The following CREBZF variants were observed in gnomAD, a reference collection of about 807,000 sequenced individuals.
CREBZF encodes the protein HCF-binding transcription factor Zhangfei.
In CREBZF, 8 loss-of-function variants were observed where a neutral mutation model predicts 21.1. The observed-to-expected ratio is 0.38, with a 90% confidence interval of 0.22 to 0.68. CREBZF has a LOEUF of 0.68. CREBZF is among the 30% of genes least tolerant of loss of function. The pLI is 0.51. For synonymous variants in CREBZF, 270 were observed against 223.3 expected, an observed-to-expected ratio of 1.21 and a Z score of -1.86; for missense variants, 518 against 484.3, an observed-to-expected ratio of 1.07 and a Z score of -0.65.
At chr11:85,670,142 G>T (rs759557321) in intron 1 of CREBZF, among the ~76,000 whole-genome samples, 18 of 152,100 alleles carry the variant, frequency 1.2e-4, no homozygotes, top group Non-Finnish European at 1.9e-4. Context: ...CATTTCATTG[G>T]AACTTGAAGG....
Position 85,658,641 on chromosome 11 carries a change from T to C in CREBZF, c.*5170A>G, listed in dbSNP as rs570305956. On this transcript the variant is annotated 3_prime_UTR_variant, in exon 1 of 1. Transcript: ENST00000527447. ...TTTTATAATTTACTTTGTGTAGTTA[T>C]TTGGCTTAAAAAAAAAAAAAGAGGG... 1.8e-3 allele frequency among the ~76,000 whole-genome samples: 266 copies of C among 147,942 alleles called. 2 individuals carry two copies. The highest frequency in any genetic ancestry group is 3.3e-3 in the Admixed American group (48 of 14,468).
chr11:85,670,350 G>GC (rs71036486), intron 1 of CREBZF, among the ~76,000 whole-genome samples: 134,219 of 134,794 alleles, frequency 1, 66,823 homozygotes, highest in East Asian at 1. Context: ...TGTCACCCAG[G>GC]TGGAGTGCAG....
chr11:85,676,515 T>C (rs2082943647), intron 1 of CREBZF, among the ~76,000 whole-genome samples: 1 of 152,242 alleles, frequency 6.6e-6, no homozygotes, highest in Non-Finnish European at 1.5e-5. Context: ...TTTAACATTA[T>C]CAAGATTTTT....
intron 1 of CREBZF, among the ~76,000 whole-genome samples, chr11:85,670,139 T>C (rs2082901901): frequency 6.6e-6 from 1 of 152,024 alleles, no homozygotes; most frequent in Admixed American, 6.6e-5. Context: ...AAGCATTTCA[T>C]TGGAACTTGA....
chr11:85,664,803 G>T lies in CREBZF; in HGVS notation c.73C>A (p.Pro25Thr). ...NSPTRSESPE[P>T]AATCSLPSDL... The stretch of plus-strand genomic sequence containing the variant: ...GAGGGCAGCGAACAAGTTGCAGCCG[G>T]CTCCGGGCTCTCACTGCGGGTTGGG... The change falls in exon 1 of 1, where the codon CCG becomes ACG. Residue 25 changes from proline (P) to threonine (T), a missense_variant. Pro to Thr is a conservative substitution (Grantham distance 38, BLOSUM62 -1). Coordinates refer to ENST00000527447, the MANE Select transcript of CREBZF (RefSeq NM_001039618.4). This position sits in a 1 kb window ranked among gnomAD's most constrained non-coding sequence, Gnocchi z 5.5. The T allele has an allele frequency of 6.4e-7, 1 of 1,572,608 alleles. No individual in the cohort carries two copies. Among genetic ancestry groups the T allele is most frequent in the Non-Finnish European group, 8.6e-7 (1 of 1,163,068 alleles).
chr11:85,676,750 A>C (rs1261872477), intron 1 of CREBZF, among the ~76,000 whole-genome samples: 3 of 148,008 alleles, frequency 2.0e-5, no homozygotes, highest in African/African-American at 7.5e-5. Context: ...TGGTCCTCCT[A>C]CCTTAGCCTC....
In CREBZF at chr11:85,658,693, T is replaced by C. The variant is rs551728073; in HGVS notation, c.*5118A>G. Among the ~76,000 whole-genome samples, 1 of 150,350 alleles carries C rather than the reference T, an allele frequency of 6.7e-6. No individual in the cohort carries two copies. The highest frequency in any genetic ancestry group is 6.6e-5 in the Admixed American group (1 of 15,102). On this transcript the variant is annotated 3_prime_UTR_variant, in exon 1 of 1. Coordinates refer to ENST00000527447, the MANE Select transcript of CREBZF (RefSeq NM_001039618.4). Reference sequence around the variant, plus strand: ...TCACATTCTATTTAAATTAAGACAATATATTTTATAAAGCCCAAATTATAG... The same window carrying C: ...TCACATTCTATTTAAATTAAGACAACATATTTTATAAAGCCCAAATTATAG...
At position 85,663,955 on chromosome 11, in the gene CREBZF, A is replaced by C; in HGVS notation, c.921T>G (p.Ala307=). 6.2e-7 allele frequency: 1 copy of C among 1,613,676 alleles called. No individual in the cohort carries two copies. The highest frequency in any genetic ancestry group is 1.7e-5 in the Admixed American group (1 of 60,012). The change falls in exon 1 of 1, where the codon GCT becomes GCG. Residue 307 remains alanine, a synonymous_variant. Coordinates refer to ENST00000527447, the MANE Select transcript of CREBZF (RefSeq NM_001039618.4). ...RDSPAGDHDY[A]LPVGKQKQDL... ...CCTGCTTCTGCTTTCCCACCGGCAG[A>C]GCGTAGTCGTGGTCACCGGCGGGCG...
At position 85,664,071 on chromosome 11, in the gene CREBZF, C is replaced by A. The variant is rs758134105; in HGVS notation, c.805G>T (p.Ala269Ser). 1 of 1,613,562 alleles carries A rather than the reference C, an allele frequency of 6.2e-7. No homozygotes were observed. Among genetic ancestry groups the A allele is most frequent in the East Asian group, 2.2e-5 (1 of 44,880 alleles). ...ALQEESRYLR[A>S]VLANETGLAR... ...AGTCCAGTCTCGTTGGCTAAGACTG[C>A]CCGTAGGTAGCGACTCTCCTCCTGC... Residue 269 changes from alanine (A) to serine (S), a missense_variant, in exon 1 of 1, where the codon GCA becomes TCA. Physicochemically the swap from Ala to Ser is moderately conservative, Grantham distance 99 (BLOSUM62 1). This residue lies in a region of CREBZF where 114 missense variants were observed against 134.1 expected (regional missense o/e 0.85). Coordinates refer to ENST00000527447, the MANE Select transcript of CREBZF (RefSeq NM_001039618.4). The surrounding 1 kb of genome is among the most constrained non-coding windows in gnomAD (Gnocchi z 5.5).
At chr11:85,678,499 TAACATA>T (rs1256631432) in intron 1 of CREBZF, among the ~76,000 whole-genome samples, 1 of 152,234 alleles carries the variant, frequency 6.6e-6, no homozygotes, top group Non-Finnish European at 1.5e-5. Flanking sequence ...CTAGCAACAT[TAACATA>T]ATTATTTTTT....
upstream of CREBZF, among the ~76,000 whole-genome samples, chr11:85,669,047 A>C: frequency 7.4e-6 from 1 of 134,402 alleles, no homozygotes; most frequent in African/African-American, 2.7e-5. Context: ...AAAAAGAAAC[A>C]TGCTCCTATT....
chr11:85,670,358 C>T (rs1484744536), intron 1 of CREBZF, among the ~76,000 whole-genome samples: 12 of 114,210 alleles, frequency 1.1e-4, no homozygotes, highest in Non-Finnish European at 2.0e-4. Flanking sequence ...AGGTGGAGTG[C>T]AGTGGCGCAA....
In CREBZF at chr11:85,664,083, G is replaced by T. The variant is rs2082772593; in HGVS notation, c.793C>A (p.Arg265Ser). The T allele has an allele frequency of 6.2e-7, 1 of 1,613,616 alleles. No homozygotes were observed. Among genetic ancestry groups the T allele is most frequent in the Non-Finnish European group, 8.5e-7 (1 of 1,180,030 alleles). The change falls in exon 1 of 1, where the codon CGC becomes AGC. Residue 265 changes from arginine to serine, a missense_variant. Around this residue, in one of 3 missense-constraint regions of CREBZF, gnomAD observed 114 missense variants for 134.1 expected, o/e 0.85. Transcript: ENST00000527447. This position sits in a 1 kb window ranked among gnomAD's most constrained non-coding sequence, Gnocchi z 5.5. ...KRVQALQEESRYLRAVLANET... is the reference protein window; with the variant it reads ...KRVQALQEESSYLRAVLANET... ...TTGGCTAAGACTGCCCGTAGGTAGCGACTCTCCTCCTGCAGTGCCTGTACG... is the reference window on the plus strand; with the variant it reads ...TTGGCTAAGACTGCCCGTAGGTAGCTACTCTCCTCCTGCAGTGCCTGTACG...
At chr11:85,681,759 G>C (rs566977989) in intron 1 of CREBZF, among the ~76,000 whole-genome samples, 1 of 152,312 alleles carries the variant, frequency 6.6e-6, no homozygotes, top group African/African-American at 2.4e-5. Context: ...GTTTGGAGGA[G>C]GCCGATTTAC....
intron 1 of CREBZF, among the ~76,000 whole-genome samples, chr11:85,676,334 T>G (rs757324574): frequency 6.6e-6 from 1 of 152,218 alleles, no homozygotes; most frequent in Non-Finnish European, 1.5e-5. Context: ...GAGCCAGAAC[T>G]TGGCTGTTGT....
Position 85,663,341 on chromosome 11 carries a change from TTAAA to T in CREBZF, c.*466_*469del. 1 of 609,490 alleles carries T rather than the reference TTAAA, an allele frequency of 1.6e-6. No individual in the cohort carries two copies. Among genetic ancestry groups the T allele is most frequent in the Non-Finnish European group, 2.9e-6 (1 of 342,780 alleles). 37.8% of individuals were successfully genotyped at this position (609,490 alleles called of 1,614,324 possible). ...AGCTATTTCAACCAGAAGAGGCATC[TTAAA>T]TACATTCTTGACCAGCACAAGTCTG... On this transcript the variant is annotated 3_prime_UTR_variant, in exon 1 of 1. Transcript: ENST00000527447.
intron 1 of CREBZF, among the ~76,000 whole-genome samples, chr11:85,676,403 C>A (rs1362436776): frequency 6.6e-6 from 1 of 152,098 alleles, no homozygotes; most frequent in African/African-American, 2.4e-5. Flanking sequence ...TTTAGGAACC[C>A]CAAAACTTTA....
chr11:85,676,395 T>C (rs2082942608), intron 1 of CREBZF, among the ~76,000 whole-genome samples: 1 of 152,176 alleles, frequency 6.6e-6, no homozygotes, highest in African/African-American at 2.4e-5. Context: ...CTCCCTCCTT[T>C]AGGAACCCCA....
In CREBZF at chr11:85,662,737, A is replaced by C. The variant is rs537683837; in HGVS notation, c.*1074T>G. ...GATTCTTTGTGAAGCCTCACTTTAC[A>C]CGTTTTCATTCACATTTCACAACCT... On this transcript the variant is annotated 3_prime_UTR_variant, in exon 1 of 1. Transcript: ENST00000527447. The C allele has an allele frequency of 3.4e-6, 1 of 294,654 alleles. No individual in the cohort carries two copies. The highest frequency in any genetic ancestry group is 2.1e-5 in the African/African-American group (1 of 46,606). 18.3% of individuals were successfully genotyped at this position (294,654 alleles called of 1,614,324 possible). A position where few individuals can be genotyped will look rare whatever the true frequency, so the allele number is the denominator to read the frequency against.
Sources: allele counts gnomAD v4.1 joint callset (sites outside exome capture counted in the v4.1 genomes callset), GRCh38; gene constraint gnomAD v4.1.1; regional missense constraint gnomAD v4.1.1; non-coding constraint Gnocchi (gnomAD v3.1); transcripts MANE v1.5; gene names NCBI Gene and HGNC (gene_info 2026-07-23, HGNC 2026-07-21).